The following DACH2 variants were observed in gnomAD, a reference collection of about 807,000 sequenced individuals.
The protein encoded by DACH2 is dachshund family transcription factor 2, also known as dachshund homolog 2.
In DACH2, 17 loss-of-function variants were observed where a neutral mutation model predicts 35.8. The observed-to-expected ratio is 0.48, with a 90% CI of 0.33 to 0.71. The LOEUF is 0.71. Among genes scored for constraint, DACH2 ranks in the 30% least tolerant of loss-of-function variants. DACH2 has a pLI of 0.02. For missense variants in DACH2, 469 were observed against 472.7 expected, an observed-to-expected ratio of 0.99 and a Z score of 0.07; for synonymous variants, 195 against 177.3, an observed-to-expected ratio of 1.10 and a Z score of -0.79.
chrX:86,329,840 C>T (rs1348359989), intron 1 of DACH2, among the ~76,000 whole-genome samples: 1 of 111,679 alleles, frequency 9.0e-6, no homozygotes, highest in Non-Finnish European at 1.9e-5. Flanking sequence ...CAAACCATTG[C>T]GGACATTGAT....
At chrX:86,594,671 C>G (rs191497326) in intron 3 of DACH2, among the ~76,000 whole-genome samples, 1 of 111,253 alleles carries the variant, frequency 9.0e-6, no homozygotes, top group Non-Finnish European at 1.9e-5. Flanking sequence ...GTCATCAGAG[C>G]CTGGGAGCAT....
At chrX:86,711,345 C>T (rs1327658245) in intron 5 of DACH2, among the ~76,000 whole-genome samples, 1 of 111,805 alleles carries the variant, frequency 8.9e-6, no homozygotes, top group Non-Finnish European at 1.9e-5. Context: ...CACTGCACTT[C>T]AGCCTGGATG....
intron 1 of DACH2, among the ~76,000 whole-genome samples, chrX:86,337,032 G>A (rs189800344): frequency 2.7e-5 from 3 of 109,400 alleles, no homozygotes; most frequent in Non-Finnish European, 3.8e-5. Context: ...AGAGAAAAAA[G>A]AATGAAAAAG....
intron 3 of DACH2, among the ~76,000 whole-genome samples, chrX:86,530,347 A>T (rs2038700275): frequency 8.9e-6 from 1 of 111,732 alleles, no homozygotes; most frequent in Non-Finnish European, 1.9e-5. Context: ...TGCAAATCTC[A>T]TCTCAAACTG....
At chrX:86,453,595 G>A (rs2037422011) in intron 2 of DACH2, among the ~76,000 whole-genome samples, 1 of 111,078 alleles carries the variant, frequency 9.0e-6, no homozygotes, top group Non-Finnish European at 1.9e-5. Context: ...TTTTATCTTT[G>A]TTGGTTTAAA....
intron 4 of DACH2, among the ~76,000 whole-genome samples, chrX:86,680,632 G>A (rs1569466061): frequency 9.5e-6 from 1 of 105,249 alleles, no homozygotes; most frequent in Non-Finnish European, 1.9e-5. Flanking sequence ...TTTAATTATT[G>A]AATTCATAAT....
chrX:86,419,668 T>C (rs2036768805), intron 2 of DACH2, among the ~76,000 whole-genome samples: 1 of 112,038 alleles, frequency 8.9e-6, no homozygotes, highest in Non-Finnish European at 1.9e-5. Flanking sequence ...TTTCTCATGG[T>C]TAGCTTTTGT....
At chrX:86,376,294 C>A (rs1399506266) in intron 1 of DACH2, among the ~76,000 whole-genome samples, 3 of 108,703 alleles carry the variant, frequency 2.8e-5, no homozygotes, top group Admixed American at 1.0e-4. Flanking sequence ...AGGAAATAAG[C>A]ACAACATTGA....
At chrX:86,542,019 C>T (rs1168150109) in intron 3 of DACH2, among the ~76,000 whole-genome samples, 4 of 111,617 alleles carry the variant, frequency 3.6e-5, no homozygotes, top group Non-Finnish European at 7.5e-5. Flanking sequence ...CATCAAATAC[C>T]TTCCCCATTG....
intron 1 of DACH2, among the ~76,000 whole-genome samples, chrX:86,298,427 C>G (rs899845549): frequency 2.7e-5 from 3 of 112,086 alleles, no homozygotes; most frequent in Non-Finnish European, 5.6e-5. Context: ...AAGAAACACT[C>G]TTAATTCTCT....
intron 1 of DACH2, among the ~76,000 whole-genome samples, chrX:86,236,798 A>G (rs2033065082): frequency 8.9e-6 from 1 of 112,324 alleles, no homozygotes; most frequent in African/African-American, 3.2e-5. Flanking sequence ...AGTGAATGTG[A>G]AGTCCTAAGA....
At chrX:86,276,782 G>A (rs1315934603) in intron 1 of DACH2, among the ~76,000 whole-genome samples, 1 of 112,129 alleles carries the variant, frequency 8.9e-6, no homozygotes, top group Admixed American at 9.5e-5. Context: ...TTACTGAAGA[G>A]ACTGCCTTTT....
At chrX:86,380,863 T>C (rs903063276) in intron 2 of DACH2, among the ~76,000 whole-genome samples, 3 of 110,728 alleles carry the variant, frequency 2.7e-5, no homozygotes, top group Non-Finnish European at 5.7e-5. Context: ...TGTGATATCA[T>C]ACTATTCTTT....
At chrX:86,439,777 T>C (rs1434886967) in intron 2 of DACH2, among the ~76,000 whole-genome samples, 2 of 111,891 alleles carry the variant, frequency 1.8e-5, no homozygotes, top group Non-Finnish European at 3.8e-5. Flanking sequence ...AATTTCCTTC[T>C]AAGCAGTTTT....
intron 2 of DACH2, among the ~76,000 whole-genome samples, chrX:86,398,745 A>G (rs1330690215): frequency 2.2e-4 from 25 of 112,111 alleles, no homozygotes; most frequent in African/African-American, 5.8e-4. Flanking sequence ...TTGCACAGTC[A>G]TCTGAGAGAC....
At chrX:86,710,136 G>C (rs1185741394) in intron 5 of DACH2, among the ~76,000 whole-genome samples, 2 of 112,042 alleles carry the variant, frequency 1.8e-5, no homozygotes, top group Non-Finnish European at 3.8e-5. Flanking sequence ...ATAGATGAAT[G>C]CATAAAACAA....
chrX:86,481,017 G>C (rs185778628), intron 2 of DACH2: 1 of 111,999 alleles, frequency 8.9e-6, no homozygotes, highest in African/African-American at 3.2e-5. Flanking sequence ...TTTCACGTTA[G>C]TTTTTATTAT....
At chrX:86,342,811 A>AAATT (rs1380961104) in intron 1 of DACH2, among the ~76,000 whole-genome samples, 11 of 109,348 alleles carry the variant, frequency 1.0e-4, no homozygotes, top group African/African-American at 1.3e-4. Flanking sequence ...ATAAATAAAT[A>AAATT]AATTAATTAA....
chrX:86,761,696 A>G (rs1348542758), intron 7 of DACH2, among the ~76,000 whole-genome samples: 1 of 111,843 alleles, frequency 8.9e-6, no homozygotes, highest in Non-Finnish European at 1.9e-5. Context: ...GCATATAAAC[A>G]ACTATTATTT....
Sources: gnomAD v4.1 joint callset for allele counts (sites outside exome capture counted in the v4.1 genomes callset) on GRCh38, gnomAD v4.1.1 for gene constraint, MANE v1.5 for transcripts, NCBI Gene and HGNC (gene_info 2026-07-23, HGNC 2026-07-21) for gene names.